SUZ12: variants seen among roughly 807,000 people sequenced by gnomAD.
SUZ12 encodes the protein SUZ12 polycomb repressive complex 2 subunit.
Under a neutral mutation model 87.3 loss-of-function variants are expected in SUZ12, and 17 were observed. That is an observed-to-expected ratio of 0.19 (90% CI 0.13 to 0.29). The LOEUF (loss-of-function observed/expected upper bound fraction) is 0.29. Ranked by LOEUF, SUZ12 falls within the 10% of genes least tolerant of loss-of-function variation. SUZ12 has a pLI of 1.00. For synonymous variants in SUZ12, 253 were observed against 312.4 expected (o/e 0.81, Z 2.01); for missense variants, 526 against 912.2 (o/e 0.58, Z 5.45).
intron 8 of SUZ12, among the ~76,000 whole-genome samples, 156 bp downstream of exon 8, chr17:31,976,770 G>C (rs1303783064): frequency 6.6e-6 from 1 of 152,104 alleles, no homozygotes; most frequent in Admixed American, 6.5e-5. Context: ...ATTTTTGTCT[G>C]TTTTATAGAA....
intron 1 of SUZ12, among the ~76,000 whole-genome samples, chr17:31,939,547 A>G (rs1409012234): frequency 6.6e-6 from 1 of 151,002 alleles, no homozygotes; most frequent in Non-Finnish European, 1.5e-5. Flanking sequence ...TTTGAGACGA[A>G]GTTTCGCTCT....
chr17:31,988,568 T>G (rs1909533766), intron 10 of SUZ12, 71 bp downstream of exon 10: 2 of 1,398,414 alleles, frequency 1.4e-6, no homozygotes, highest in Non-Finnish European at 1.9e-6. Context: ...TTAGATTAAT[T>G]CATTTGTGTT....
chr17:31,951,716 T>G (rs1053348669), intron 4 of SUZ12, among the ~76,000 whole-genome samples: 7 of 151,166 alleles, frequency 4.6e-5, no homozygotes, highest in Non-Finnish European at 7.4e-5. Flanking sequence ...GACCTCGTGA[T>G]CCACCCGCCT....
chr17:31,978,945 A>T (rs1908915742), intron 8 of SUZ12, among the ~76,000 whole-genome samples: 1 of 151,702 alleles, frequency 6.6e-6, no homozygotes, highest in Non-Finnish European at 1.5e-5. Context: ...ATCTCTACTA[A>T]AAATACAAAA....
intron 4 of SUZ12, among the ~76,000 whole-genome samples, chr17:31,957,536 C>T (rs538388467): frequency 2.8e-4 from 42 of 152,056 alleles, no homozygotes; most frequent in Admixed American, 7.9e-4. Context: ...CTCAGCCTCC[C>T]GAGTAGCCGG....
intron 14 of SUZ12, among the ~76,000 whole-genome samples, chr17:31,996,585 C>T (rs1448539611): frequency 2.0e-5 from 3 of 152,186 alleles, no homozygotes; most frequent in Non-Finnish European, 2.9e-5. Flanking sequence ...TGCCACTGTA[C>T]TTCAGCCTGG....
At chr17:31,979,123 A>AGAAG (rs2142186040) in intron 8 of SUZ12, among the ~76,000 whole-genome samples, 1 of 145,810 alleles carries the variant, frequency 6.9e-6, no homozygotes, top group African/African-American at 2.6e-5. Flanking sequence ...AAAAAAAAAA[A>AGAAG]AAGAATTCAA....
chr17:31,972,156 G>T (rs377206561), intron 5 of SUZ12, among the ~76,000 whole-genome samples: 3 of 151,660 alleles, frequency 2.0e-5, no homozygotes, highest in Admixed American at 2.0e-4. Context: ...GTCCTGGTGC[G>T]CACCTGTAGT....
rs1370824179 is a variant in SUZ12 at position 31,999,696 on chromosome 17, A to G, written c.*693A>G. Reference sequence around the variant, plus strand: ...GCTATGTTGGTTTATAAGATTACAGACCATTTGTTTTCATGTGGATAATTT... The same window carrying G: ...GCTATGTTGGTTTATAAGATTACAGGCCATTTGTTTTCATGTGGATAATTT... On this transcript the variant is annotated 3_prime_UTR_variant, in exon 16 of 16. Transcript: ENST00000322652. 1 of 231,320 alleles carries G rather than the reference A, an allele frequency of 4.3e-6. No homozygotes were observed. Among genetic ancestry groups the G allele is most frequent in the Non-Finnish European group, 8.5e-6 (1 of 117,386 alleles). 14.3% of individuals were successfully genotyped at this position (231,320 alleles called of 1,614,324 possible).
chr17:31,962,578 G>C (rs1310389446), intron 4 of SUZ12, among the ~76,000 whole-genome samples: 2 of 152,154 alleles, frequency 1.3e-5, no homozygotes, highest in East Asian at 3.9e-4. Flanking sequence ...GTGACACAAC[G>C]AGACCCTGTC....
intron 9 of SUZ12, among the ~76,000 whole-genome samples, chr17:31,985,435 T>C (rs1252220105): frequency 2.6e-5 from 4 of 151,380 alleles, no homozygotes; most frequent in Non-Finnish European, 5.9e-5. Context: ...TGTATACATA[T>C]ATATATATAT....
At chr17:31,992,200 G>A (rs1029141402) in intron 10 of SUZ12, among the ~76,000 whole-genome samples, 1 of 151,780 alleles carries the variant, frequency 6.6e-6, no homozygotes, top group African/African-American at 2.4e-5. Flanking sequence ...GCTGAGGCAC[G>A]AGAATTGCTT....
At chr17:31,939,258 G>C (rs951362676) in intron 1 of SUZ12, among the ~76,000 whole-genome samples, 3 of 152,082 alleles carry the variant, frequency 2.0e-5, no homozygotes, top group African/African-American at 7.2e-5. Context: ...GTTTGTGTCC[G>C]AGATTCATTT....
chr17:31,962,546 G>T (rs1907793440), intron 4 of SUZ12, among the ~76,000 whole-genome samples: 1 of 152,184 alleles, frequency 6.6e-6, no homozygotes, highest in Non-Finnish European at 1.5e-5. Context: ...AGCCTAGATT[G>T]TGCCACTGTA....
chr17:31,964,195 A>G (rs1377770200), intron 4 of SUZ12, among the ~76,000 whole-genome samples: 1 of 149,054 alleles, frequency 6.7e-6, no homozygotes, highest in African/African-American at 2.5e-5. Flanking sequence ...CCTGGCTAAT[A>G]TTTGTATTTT....
intron 5 of SUZ12, among the ~76,000 whole-genome samples, chr17:31,969,838 A>T (rs1206157036): frequency 6.6e-6 from 1 of 152,162 alleles, no homozygotes; most frequent in Non-Finnish European, 1.5e-5. Flanking sequence ...GTTTGAATAG[A>T]GTCTGGGCAA....
intron 4 of SUZ12, among the ~76,000 whole-genome samples, chr17:31,954,893 G>A (rs1030799537): frequency 2.8e-4 from 42 of 152,204 alleles, no homozygotes; most frequent in Non-Finnish European, 3.5e-4. Flanking sequence ...GGTATGAGAA[G>A]AAGCTGGAGC....
rs536553697 is a variant in SUZ12 at position 31,937,841 on chromosome 17, C to T, written c.274+321C>T. ...GTTGAACTGAGCCGCAGTCACATCC[C>T]GAGACTGGTTCTTGTTTTCTTTCAT... On this transcript the variant is annotated intron_variant, in intron 1 of 15. Coordinates refer to ENST00000322652, the MANE Select transcript of SUZ12 (RefSeq NM_015355.4). Among the ~76,000 whole-genome samples the T allele has an allele frequency of 2.1e-3, 272 of 130,518 alleles. 3 individuals carry two copies. Among genetic ancestry groups the T allele is most frequent in the African/African-American group, 7.5e-3 (256 of 33,970 alleles). 85.6% of individuals were successfully genotyped at this position (130,518 alleles called of 152,430 possible).
intron 1 of SUZ12, among the ~76,000 whole-genome samples, chr17:31,938,800 G>A (rs900129348): frequency 5.9e-5 from 9 of 152,292 alleles, no homozygotes; most frequent in African/African-American, 1.7e-4. Context: ...CTTTCTGAAT[G>A]TTAAGACACA....
Sources: allele counts gnomAD v4.1 joint callset (sites outside exome capture counted in the v4.1 genomes callset), GRCh38; gene constraint gnomAD v4.1.1; transcripts MANE v1.5; gene names NCBI Gene and HGNC (gene_info 2026-07-23, HGNC 2026-07-21).